Variants in DNAJC13 observed in about 807,000 individuals in gnomAD.
DNAJC13 encodes the protein DnaJ heat shock protein family (Hsp40) member C13.
A neutral mutation model predicts 290.5 loss-of-function variants in DNAJC13; 75 were observed. That is an observed-to-expected ratio of 0.26 (90% CI 0.21 to 0.31). DNAJC13 has a LOEUF of 0.31. DNAJC13 is among the 10% of genes least tolerant of loss of function. DNAJC13 has a pLI of 1.00. For synonymous variants in DNAJC13, 862 were observed against 892.0 expected, an observed-to-expected ratio of 0.97 and a Z score of 0.60; for missense variants, 2,260 against 2,674.5, an observed-to-expected ratio of 0.85 and a Z score of 3.42.
At chr3:132,443,768 T>C (rs1933151066) in intron 2 of DNAJC13, among the ~76,000 whole-genome samples, 1 of 152,072 alleles carries the variant, frequency 6.6e-6, no homozygotes, top group Admixed American at 6.6e-5. Context: ...AGGAATTTTC[T>C]TTTTTTAATA....
Position 132,483,421 on chromosome 3 carries a change from GC to G in DNAJC13, c.3027del (p.Trp1010GlyfsTer22). The G allele has an allele frequency of 1.2e-6, 2 of 1,614,128 alleles. No homozygotes were observed. Among genetic ancestry groups the G allele is most frequent in the Non-Finnish European group, 1.7e-6 (2 of 1,180,002 alleles). ...TKGMLNAKTR[C>X]WAQGMDGWRP... ...GGAATGTTAAATGCAAAAACCAGAT[GC>G]TGGGCTCAAGGCATGGATGGATGGC... On this transcript the variant is annotated frameshift_variant, in exon 28 of 56. Coordinates refer to ENST00000260818, the MANE Select transcript of DNAJC13 (RefSeq NM_015268.4). LOFTEE classifies it high-confidence loss of function.
chr3:132,457,000 C>A (rs903534551), intron 12 of DNAJC13, among the ~76,000 whole-genome samples, 168 bp downstream of exon 12: 2 of 152,116 alleles, frequency 1.3e-5, no homozygotes, highest in Non-Finnish European at 2.9e-5. Flanking sequence ...GCAGCAGAAG[C>A]GGAATATTGG....
At chr3:132,516,657 G>C (rs140233187) in intron 47 of DNAJC13, 47 bp from the exon 48 acceptor site, 27 of 1,560,578 alleles carry the variant, frequency 1.7e-5, no homozygotes, top group Non-Finnish European at 2.3e-5. Flanking sequence ...ATTCTGATTA[G>C]AAAAGTCAAA....
chr3:132,498,541 G>C (rs1935307769), intron 36 of DNAJC13, among the ~76,000 whole-genome samples: 1 of 152,066 alleles, frequency 6.6e-6, no homozygotes, highest in South Asian at 2.1e-4. Context: ...TAATTTACCA[G>C]AAAATGTTAT....
At chr3:132,507,599 A>G (rs1935636283) in intron 43 of DNAJC13, among the ~76,000 whole-genome samples, 1 of 151,726 alleles carries the variant, frequency 6.6e-6, no homozygotes, top group Non-Finnish European at 1.5e-5. Context: ...TTCTCTCAAT[A>G]TTTCACACTT....
intron 28 of DNAJC13, among the ~76,000 whole-genome samples, chr3:132,484,028 T>C (rs61347843): frequency 0.046 from 7,019 of 152,276 alleles, 544 homozygotes; most frequent in African/African-American, 0.16. Flanking sequence ...TGTAACTTTT[T>C]AATCTTTATG....
intron 21 of DNAJC13, among the ~76,000 whole-genome samples, chr3:132,474,544 G>T (rs1223834668): frequency 6.6e-6 from 1 of 151,856 alleles, no homozygotes; most frequent in Non-Finnish European, 1.5e-5. Flanking sequence ...CTGGCCAGTA[G>T]AATTGTTTTC....
chr3:132,438,762 T>C (rs540587752), intron 2 of DNAJC13, among the ~76,000 whole-genome samples: 6 of 152,234 alleles, frequency 3.9e-5, no homozygotes, highest in Non-Finnish European at 5.9e-5. Flanking sequence ...TTATTTAGGG[T>C]CTGTTGATCA....
chr3:132,467,385 A>G, intron 20 of DNAJC13, 72 bp downstream of exon 20: 3 of 1,498,946 alleles, frequency 2.0e-6, no homozygotes, highest in South Asian at 1.2e-5. Flanking sequence ...CCTGCTGTTC[A>G]CAGAGATGGT....
intron 17 of DNAJC13, 71 bp from the exon 18 acceptor site, chr3:132,465,923 TG>T: frequency 1.1e-6 from 1 of 940,284 alleles, no homozygotes; most frequent in East Asian, 2.5e-5. Flanking sequence ...TGTGATATTT[TG>T]TTCTTAAAAA....
chr3:132,461,546 C>T (rs781601522), intron 15 of DNAJC13, among the ~76,000 whole-genome samples: 2 of 152,118 alleles, frequency 1.3e-5, no homozygotes, highest in African/African-American at 4.8e-5. Context: ...ATAATATTGA[C>T]GAATAAATGC....
chr3:132,447,621 G>A (rs147436136), intron 4 of DNAJC13, 151 bp downstream of exon 4: 17 of 880,444 alleles, frequency 1.9e-5, no homozygotes, highest in East Asian at 1.2e-4. Flanking sequence ...CCTGTGAAAC[G>A]TTCACTTTTC....
At chr3:132,495,516 T>G (rs551545144) in intron 35 of DNAJC13, among the ~76,000 whole-genome samples, 1 of 152,310 alleles carries the variant, frequency 6.6e-6, no homozygotes, top group East Asian at 1.9e-4. Flanking sequence ...GCTATTCAGA[T>G]TGCTTTGGGC....
At chr3:132,477,495 C>T (rs1379032456) in intron 22 of DNAJC13, among the ~76,000 whole-genome samples, 1 of 152,166 alleles carries the variant, frequency 6.6e-6, no homozygotes, top group Non-Finnish European at 1.5e-5. Flanking sequence ...TGATGCAGGA[C>T]CATCTACTCC....
At chr3:132,524,222 T>A (rs1263666876) in intron 51 of DNAJC13, among the ~76,000 whole-genome samples, 1 of 152,258 alleles carries the variant, frequency 6.6e-6, no homozygotes, top group Non-Finnish European at 1.5e-5. Flanking sequence ...GGTCTTGGGT[T>A]TGGCAAGCCA....
chr3:132,472,168 T>G (rs938877165), intron 20 of DNAJC13, among the ~76,000 whole-genome samples: 1 of 151,426 alleles, frequency 6.6e-6, no homozygotes. Context: ...GAGGTTGCAG[T>G]GAGCCGAGAT....
At position 132,496,539 on chromosome 3, in the gene DNAJC13, A is replaced by G. The variant is rs756057277; in HGVS notation, c.4032A>G (p.Glu1344=). The G allele has an allele frequency of 1.4e-5, 23 of 1,601,434 alleles. No individual in the cohort carries two copies. Among genetic ancestry groups the G allele is most frequent in the Middle Eastern group, 1.7e-4 (1 of 5,880 alleles). Residue 1344 remains glutamate (E), a synonymous_variant, in exon 36 of 56, where the codon GAA becomes GAG. Coordinates refer to ENST00000260818, the MANE Select transcript of DNAJC13 (RefSeq NM_015268.4). Reference sequence around the variant, plus strand: ...TCTGTTACATACAGGACATGTTTGAAAAAGTAAATAAAGCATATGAATTTT... The same window carrying G: ...TCTGTTACATACAGGACATGTTTGAGAAAGTAAATAAAGCATATGAATTTT... The part of the protein sequence containing the change: ...DKNPEGRDMF[E]KVNKAYEFLC...
chr3:132,521,700 A>G (rs911608627), intron 48 of DNAJC13, among the ~76,000 whole-genome samples: 1 of 152,220 alleles, frequency 6.6e-6, no homozygotes, highest in Non-Finnish European at 1.5e-5. Context: ...GACATACTTA[A>G]TCACTTTGTC....
intron 51 of DNAJC13, 176 bp downstream of exon 51, chr3:132,523,889 G>T: frequency 1.7e-6 from 1 of 603,898 alleles, no homozygotes. Context: ...ATGTTCAAAA[G>T]TGAAGCTCTT....
Sources: allele counts gnomAD v4.1 joint callset (sites outside exome capture counted in the v4.1 genomes callset), GRCh38; gene constraint gnomAD v4.1.1; transcripts MANE v1.5; gene names NCBI Gene and HGNC (gene_info 2026-07-23, HGNC 2026-07-21).